Variants in DACH2 observed in about 807,000 individuals in gnomAD.
The protein encoded by DACH2 is dachshund homolog 2.
Under a neutral mutation model 35.8 loss-of-function variants are expected in DACH2, and 17 were observed. That is an observed-to-expected ratio of 0.48 (90% CI 0.33 to 0.71). DACH2 has a LOEUF of 0.71. DACH2 is among the 30% of genes least tolerant of loss of function. The pLI is 0.02. For synonymous variants in DACH2, 195 were observed against 177.3 expected (o/e 1.10, Z -0.79); for missense variants, 469 against 472.7 (o/e 0.99, Z 0.07).
At chrX:86,600,212 TA>T (rs1008854455) in intron 3 of DACH2, among the ~76,000 whole-genome samples, 2 of 112,007 alleles carry the variant, frequency 1.8e-5, no homozygotes, top group Non-Finnish European at 3.8e-5. Context: ...TATTTTTTAA[TA>T]AATATTTTTT....
intron 7 of DACH2, among the ~76,000 whole-genome samples, chrX:86,783,868 T>C (rs978888089): frequency 4.6e-5 from 5 of 108,245 alleles, no homozygotes; most frequent in Non-Finnish European, 9.6e-5. Context: ...GGGGAGGGAG[T>C]TGGTGATGGT....
At chrX:86,719,922 T>C (rs2041381971) in intron 6 of DACH2, among the ~76,000 whole-genome samples, 1 of 76,033 alleles carries the variant, frequency 1.3e-5, no homozygotes, top group Admixed American at 1.3e-4. Flanking sequence ...AATCTTTTTT[T>C]TTCTTTTTTC....
At chrX:86,374,676 T>A (rs2035937059) in intron 1 of DACH2, among the ~76,000 whole-genome samples, 1 of 111,162 alleles carries the variant, frequency 9.0e-6, no homozygotes, top group South Asian at 3.7e-4. Flanking sequence ...CACATTTTAG[T>A]AAATTTCAGG....
chrX:86,645,985 C>A (rs1206324642), intron 3 of DACH2, among the ~76,000 whole-genome samples: 2 of 110,900 alleles, frequency 1.8e-5, no homozygotes, highest in Admixed American at 9.6e-5. Context: ...ATAATATGTA[C>A]AACAAACCCC....
chrX:86,502,686 C>T (rs1433378123), intron 2 of DACH2, among the ~76,000 whole-genome samples: 1 of 111,399 alleles, frequency 9.0e-6, no homozygotes, highest in Non-Finnish European at 1.9e-5. Flanking sequence ...GCCTGTTGTG[C>T]CAAAAAATAG....
rs181724131 is a variant in DACH2 at position 86,552,085 on chromosome X, A to T, written c.640+37694A>T. Among the ~76,000 whole-genome samples, 860 of 112,047 alleles carry T rather than the reference A, an allele frequency of 7.7e-3. 6 individuals carry two copies. The highest frequency in any genetic ancestry group is 0.013 in the Non-Finnish European group (692 of 53,153). ...TTTCTTATTAAACCAGCTAATCTTT[A>T]TATGAGTAAATTGATCTATGAGTGT... is the stretch of plus-strand genomic sequence containing the variant. On this transcript the variant is annotated intron_variant, in intron 3 of 11. Transcript: ENST00000373125.
rs541360979 is a variant in DACH2 at position 86,616,047 on chromosome X, G to C, written c.641-34989G>C. 9.9e-5 allele frequency among the ~76,000 whole-genome samples: 11 copies of C among 110,998 alleles called. No individual in the cohort carries two copies. In the South Asian group the frequency reaches 4.2e-3, roughly 42 times the overall value. ...TGGTATTCGTTCTGTTTCTACATTA[G>C]TTTGCTAAGGATAATGGCCTCCAGC... On this transcript the variant is annotated intron_variant, in intron 3 of 11. Coordinates refer to ENST00000373125, the MANE Select transcript of DACH2 (RefSeq NM_053281.3).
intron 5 of DACH2, among the ~76,000 whole-genome samples, chrX:86,713,665 G>A (rs926828497): frequency 1.8e-5 from 2 of 111,486 alleles, no homozygotes; most frequent in East Asian, 2.8e-4. Context: ...TCACAGTCAC[G>A]TTCACATCCA....
chrX:86,608,150 A>G (rs1489090706), intron 3 of DACH2, among the ~76,000 whole-genome samples: 1 of 111,395 alleles, frequency 9.0e-6, no homozygotes, highest in African/African-American at 3.3e-5. Flanking sequence ...TATGCAGCCA[A>G]AAAGCACATG....
intron 2 of DACH2, among the ~76,000 whole-genome samples, chrX:86,442,590 A>T (rs1027465363): frequency 2.4e-4 from 26 of 109,701 alleles, no homozygotes; most frequent in Admixed American, 7.9e-4. Context: ...TTTGTAGCTT[A>T]TTCTTTTGGG....
intron 1 of DACH2, among the ~76,000 whole-genome samples, chrX:86,185,819 A>C (rs1363832654): frequency 8.9e-6 from 1 of 112,284 alleles, no homozygotes; most frequent in Non-Finnish European, 1.9e-5. Flanking sequence ...ATAACTAAAC[A>C]TAGACATGGC....
intron 7 of DACH2, among the ~76,000 whole-genome samples, chrX:86,755,362 A>G (rs1464682574): frequency 9.0e-6 from 1 of 111,104 alleles, no homozygotes; most frequent in African/African-American, 3.3e-5. Context: ...TCTCCCATTC[A>G]ACAGGCTGTC....
chrX:86,176,233 T>C (rs529580173), intron 1 of DACH2, among the ~76,000 whole-genome samples: 1 of 111,225 alleles, frequency 9.0e-6, no homozygotes, highest in East Asian at 2.8e-4. Context: ...AGTGATGGTA[T>C]TTTCAATGAA....
chrX:86,544,896 G>A (rs749918247), intron 3 of DACH2, among the ~76,000 whole-genome samples: 1 of 112,254 alleles, frequency 8.9e-6, no homozygotes, highest in Non-Finnish European at 1.9e-5. Flanking sequence ...TCCACCCCCT[G>A]GGTTCAAGCA....
chrX:86,464,247 A>T lies in DACH2; in HGVS notation c.528-50032A>T, dbSNP rs190514664. On this transcript the variant is annotated intron_variant, in intron 2 of 11. Coordinates refer to ENST00000373125, the MANE Select transcript of DACH2 (RefSeq NM_053281.3). ...TATGTTTATTCTGGCACTATTCACA[A>T]TAGCAAAGACTTGGAACCAACCCAA... Among the ~76,000 whole-genome samples the T allele has an allele frequency of 9.4e-3, 1,050 of 111,640 alleles. 13 individuals carry two copies. Among genetic ancestry groups the T allele is most frequent in the African/African-American group, 0.033 (1,003 of 30,672 alleles).
chrX:86,404,169 CT>C (rs2036484533), intron 2 of DACH2, among the ~76,000 whole-genome samples: 2 of 110,595 alleles, frequency 1.8e-5, no homozygotes, highest in Non-Finnish European at 3.8e-5. Context: ...CATCCCACCC[CT>C]GGCCCCTCCC....
intron 1 of DACH2, among the ~76,000 whole-genome samples, chrX:86,164,472 G>T (rs1161665680): frequency 9.0e-6 from 1 of 111,029 alleles, no homozygotes; most frequent in Non-Finnish European, 1.9e-5. Context: ...CTTTTGTTGC[G>T]ATTGCCTTTG....
intron 3 of DACH2, among the ~76,000 whole-genome samples, chrX:86,517,319 C>G (rs2038483698): frequency 9.0e-6 from 1 of 111,343 alleles, no homozygotes; most frequent in African/African-American, 3.3e-5. Flanking sequence ...AATGATACCA[C>G]AAAATGTAAT....
At chrX:86,593,842 AGG>A (rs1054885916) in intron 3 of DACH2, among the ~76,000 whole-genome samples, 20 of 111,174 alleles carry the variant, frequency 1.8e-4, no homozygotes, top group Non-Finnish European at 3.0e-4. Context: ...TTTTTTTATT[AGG>A]GTATCACTGG....
Sources: gnomAD v4.1 joint callset for allele counts (sites outside exome capture counted in the v4.1 genomes callset) on GRCh38, gnomAD v4.1.1 for gene constraint, MANE v1.5 for transcripts, NCBI Gene and HGNC (gene_info 2026-07-23, HGNC 2026-07-21) for gene names.